Variants in PRELID3B observed in about 807,000 individuals in gnomAD.
The protein encoded by PRELID3B is PRELI domain containing protein 3B.
In PRELID3B, 15 loss-of-function variants were observed where a neutral mutation model predicts 24.0. That is an observed-to-expected ratio of 0.63 (90% CI 0.42 to 0.96). PRELID3B has a LOEUF of 0.96. Ranked by LOEUF, PRELID3B falls within the 40% of genes least tolerant of loss-of-function variation. The pLI is 0.00. For missense variants in PRELID3B, 189 were observed against 236.0 expected (o/e 0.80, Z 1.30); for synonymous variants, 62 against 76.0 (o/e 0.82, Z 0.96).
chr20:59,035,242 G>T, intron 5 of PRELID3B, 116 bp from the exon 6 acceptor site: 1 of 930,740 alleles, frequency 1.1e-6, no homozygotes, highest in Non-Finnish European at 1.6e-6. Flanking sequence ...ATCTCAGGAT[G>T]ACAGATCGTT....
rs751058530 is a variant in PRELID3B, at chr20:59,038,641, A to G, written c.33-7T>C. 5.4e-6 allele frequency: 8 copies of G among 1,472,048 alleles called. No homozygotes were observed. Among genetic ancestry groups the G allele is most frequent in the Non-Finnish European group, 5.4e-6 (6 of 1,117,860 alleles). The allele number at this position is 1,472,048 out of a possible 1,614,324, so 91.2% of individuals were successfully genotyped here. On this transcript the variant is annotated splice_region_variant and splice_polypyrimidine_tract_variant and intron_variant, in intron 1 of 5. Transcript: ENST00000355937. Reference sequence around the variant, plus strand: ...AACAGTTTCCCACGGGTGGCTGCCGATGTGAACCAAAAAAAAAAAAAAAAA... The same window carrying G: ...AACAGTTTCCCACGGGTGGCTGCCGGTGTGAACCAAAAAAAAAAAAAAAAA...
At chr20:59,037,397 C>T (rs1486543491) in intron 2 of PRELID3B, 117 bp from the exon 3 acceptor site, 5 of 830,854 alleles carry the variant, frequency 6.0e-6, no homozygotes, top group Non-Finnish European at 1.0e-5. Context: ...AATCTGTTTT[C>T]TAAAAACCAG....
intron 1 of PRELID3B, among the ~76,000 whole-genome samples, chr20:59,041,564 G>A (rs1013351153): frequency 6.6e-6 from 1 of 152,024 alleles, no homozygotes; most frequent in South Asian, 2.1e-4. Flanking sequence ...GTGAAACTCC[G>A]TCTCTACTAA....
At chr20:59,042,551 C>T in intron 1 of PRELID3B, 148 bp downstream of exon 1, 1 of 816,008 alleles carries the variant, frequency 1.2e-6, no homozygotes, top group East Asian at 3.0e-5. Context: ...GGTCTGCCCT[C>T]CGTGTCGCCG....
intron 1 of PRELID3B, among the ~76,000 whole-genome samples, chr20:59,039,547 C>T (rs1381502936): frequency 6.6e-6 from 1 of 152,204 alleles, no homozygotes; most frequent in Non-Finnish European, 1.5e-5. Context: ...CTTAGTCCAC[C>T]TGCAGTCTGA....
chr20:59,042,601 C>T, intron 1 of PRELID3B, 98 bp downstream of exon 1: 1 of 1,381,146 alleles, frequency 7.2e-7, no homozygotes, highest in Non-Finnish European at 1.0e-6. Flanking sequence ...TCGCTAGGCC[C>T]GACGCCTAGA....
intron 5 of PRELID3B, 83 bp downstream of exon 5, chr20:59,036,388 C>A (rs1264827558): frequency 2.8e-6 from 3 of 1,057,724 alleles, no homozygotes; most frequent in Non-Finnish European, 4.4e-6. Flanking sequence ...GGTCAGCTTA[C>A]AAGGACACAC....
intron 2 of PRELID3B, 41 bp downstream of exon 2, chr20:59,038,425 C>T (rs1475947285): frequency 1.3e-6 from 2 of 1,583,000 alleles, no homozygotes; most frequent in South Asian, 1.1e-5. Flanking sequence ...GAAAACTTCT[C>T]TACAGCAGTC....
Position 59,038,089 on chromosome 20 carries a change from T to C in PRELID3B, c.201+377A>G, listed in dbSNP as rs140755396. 2.4e-3 allele frequency: 401 copies of C among 165,520 alleles called. 1 individual carries two copies. The highest frequency in any genetic ancestry group is 3.7e-3 in the Non-Finnish European group (288 of 77,162). The allele number at this position is 165,520 out of a possible 1,614,324, so 10.3% of individuals were successfully genotyped here. ...TGTGGCAATAACAAGTCCGAGAACATAGTCCTTACTTAATGTACACAACCC... is the reference window on the plus strand; with the variant it reads ...TGTGGCAATAACAAGTCCGAGAACACAGTCCTTACTTAATGTACACAACCC... On this transcript the variant is annotated intron_variant, in intron 2 of 5. Coordinates refer to ENST00000355937, the MANE Select transcript of PRELID3B (RefSeq NM_016045.3).
intron 2 of PRELID3B, among the ~76,000 whole-genome samples, chr20:59,037,789 T>C (rs181817117): frequency 2.0e-4 from 30 of 152,318 alleles, no homozygotes; most frequent in African/African-American, 7.2e-4. Context: ...CCCCTGACCC[T>C]GCTCATTTCT....
chr20:59,035,847 C>T (rs2146390508), intron 5 of PRELID3B, among the ~76,000 whole-genome samples: 1 of 152,328 alleles, frequency 6.6e-6, no homozygotes, highest in East Asian at 1.9e-4. Context: ...ACAGAGAAGG[C>T]ATCCATGAGT....
Position 59,042,783 on chromosome 20 carries a change from A to G in PRELID3B, c.-53T>C. ...GTAGCGCCAGGGGACAACGAGGCAC[A>G]GAGGCTACACCTGCCCCTGCCCCGC... On this transcript the variant is annotated 5_prime_UTR_variant, in exon 1 of 6. Coordinates refer to ENST00000355937, the MANE Select transcript of PRELID3B (RefSeq NM_016045.3). The G allele has an allele frequency of 7.0e-6, 11 of 1,569,926 alleles. No individual in the cohort carries two copies. Among genetic ancestry groups the G allele is most frequent in the Admixed American group, 1.9e-5 (1 of 52,794 alleles).
Position 59,040,819 on chromosome 20 carries a change from T to C in PRELID3B, c.32+1880A>G, listed in dbSNP as rs1210896759. The stretch of plus-strand genomic sequence containing the variant: ...GCTCAAGGTACAGATCTGGGTGCCA[T>C]AAATGTATACCTATCATTTGGGACT... On this transcript the variant is annotated intron_variant, in intron 1 of 5. Coordinates refer to ENST00000355937, the MANE Select transcript of PRELID3B (RefSeq NM_016045.3). This position sits in a 1 kb window ranked among gnomAD's most constrained non-coding sequence, Gnocchi z 4.1. Among the ~76,000 whole-genome samples the C allele has an allele frequency of 3.9e-5, 6 of 152,136 alleles. No homozygotes were observed. Among genetic ancestry groups the C allele is most frequent in the Admixed American group, 3.3e-4 (5 of 15,282 alleles).
chr20:59,038,651 A>G lies in PRELID3B; in HGVS notation c.33-17T>C. 3.7e-5 allele frequency: 2 copies of G among 54,444 alleles called. No individual in the cohort carries two copies. Among genetic ancestry groups the G allele is most frequent in the South Asian group, 2.6e-4 (1 of 3,786 alleles). 3.4% of individuals were successfully genotyped at this position (54,444 alleles called of 1,614,324 possible). A position where few individuals can be genotyped will look rare whatever the true frequency, so the allele number is the denominator to read the frequency against. On this transcript the variant is annotated splice_polypyrimidine_tract_variant and intron_variant, in intron 1 of 5. Coordinates refer to ENST00000355937, the MANE Select transcript of PRELID3B (RefSeq NM_016045.3). ...CACGGGTGGCTGCCGATGTGAACCA[A>G]AAAAAAAAAAAAAAAAATTCAGACA...
In PRELID3B at chr20:59,034,852, C is replaced by G. The variant is rs938327493; in HGVS notation, c.*155G>C. 1.6e-4 allele frequency: 80 copies of G among 507,978 alleles called. No individual in the cohort carries two copies. The highest frequency in any genetic ancestry group is 2.3e-4 in the Non-Finnish European group (73 of 324,382). The allele number at this position is 507,978 out of a possible 1,614,324, so 31.5% of individuals were successfully genotyped here. ...TCCCTTTTATTTAGAGGCCCTGCAT[C>G]TGTTTTGATCAAGTCACATAGCCTT... On this transcript the variant is annotated 3_prime_UTR_variant, in exon 6 of 6. Transcript: ENST00000355937.
At chr20:59,041,877 G>A (rs1340314056) in intron 1 of PRELID3B, among the ~76,000 whole-genome samples, 5 of 152,136 alleles carry the variant, frequency 3.3e-5, no homozygotes, top group African/African-American at 1.2e-4. Context: ...CAGGTAACTC[G>A]GGAAAAAAAA....
At chr20:59,036,806 G>C (rs2092076475) in intron 3 of PRELID3B, 46 bp from the exon 4 acceptor site, 1 of 1,287,410 alleles carries the variant, frequency 7.8e-7, no homozygotes, top group Non-Finnish European at 1.1e-6. Context: ...TTTTGGAACT[G>C]AAGATTCAAA....
rs565510395 is a variant in PRELID3B at position 59,042,561 on chromosome 20, G to A, written c.32+138C>T. 3.8e-4 allele frequency: 256 copies of A among 679,424 alleles called. 1 individual carries two copies. The highest frequency in any genetic ancestry group is 4.4e-4 in the Non-Finnish European group (198 of 453,872). The allele number at this position is 679,424 out of a possible 1,614,324, so 42.1% of individuals were successfully genotyped here. A position where few individuals can be genotyped will look rare whatever the true frequency, so the allele number is the denominator to read the frequency against. ...ACCTTGGTCTGCCCTCCGTGTCGCC[G>A]GGGCCCGCAGGCTTCAGAGTTCGCT... is the stretch of plus-strand genomic sequence containing the variant. On this transcript the variant is annotated intron_variant, in intron 1 of 5. Transcript: ENST00000355937.
intron 1 of PRELID3B, among the ~76,000 whole-genome samples, chr20:59,041,058 T>C (rs1227912370): frequency 6.6e-6 from 1 of 151,740 alleles, no homozygotes; most frequent in African/African-American, 2.4e-5. Flanking sequence ...AGAAAGAGTG[T>C]AGAGGGAAGG....
Sources: gnomAD v4.1 joint callset for allele counts (sites outside exome capture counted in the v4.1 genomes callset) on GRCh38, gnomAD v4.1.1 for gene constraint, Gnocchi (gnomAD v3.1) non-coding constraint, MANE v1.5 for transcripts, NCBI Gene and HGNC (gene_info 2026-07-23, HGNC 2026-07-21) for gene names.